Variants in UCHL3 observed in about 807,000 individuals in gnomAD.
The protein encoded by UCHL3 is ubiquitin carboxyl-terminal hydrolase isozyme L3.
In UCHL3, 22 loss-of-function variants were observed where a neutral mutation model predicts 35.8. That is an observed-to-expected ratio of 0.61 (90% CI 0.44 to 0.88). The LOEUF is 0.88. Among genes scored for constraint, UCHL3 ranks in the 40% least tolerant of loss-of-function variants. The pLI is 0.00. For missense variants in UCHL3, 229 were observed against 276.9 expected, an observed-to-expected ratio of 0.83 and a Z score of 1.23; for synonymous variants, 90 against 92.8, an observed-to-expected ratio of 0.97 and a Z score of 0.17.
chr13:75,587,087 C>A (rs1416829070), intron 6 of UCHL3, among the ~76,000 whole-genome samples: 1 of 143,902 alleles, frequency 6.9e-6, no homozygotes. Flanking sequence ...AAGGTAAAAG[C>A]AGAAGTCAAT....
At chr13:75,581,194 A>G (rs537665126) in intron 6 of UCHL3, among the ~76,000 whole-genome samples, 1 of 152,324 alleles carries the variant, frequency 6.6e-6, no homozygotes, top group African/African-American at 2.4e-5. Flanking sequence ...AAGAAATTAC[A>G]TGGTTATAAG....
intron 1 of UCHL3, 23 bp downstream of exon 1, chr13:75,549,885 C>T: frequency 6.2e-7 from 1 of 1,613,678 alleles, no homozygotes; most frequent in Non-Finnish European, 8.5e-7. Context: ...CGGGGCAGCC[C>T]TGGGCCGTGG....
At position 75,604,812 on chromosome 13, in the gene UCHL3, T is replaced by C. The variant is rs1213896846; in HGVS notation, c.594T>C (p.Asp198=). The C allele has an allele frequency of 6.3e-7, 1 of 1,599,712 alleles. No individual in the cohort carries two copies. The highest frequency in any genetic ancestry group is 1.3e-5 in the African/African-American group (1 of 74,212). ...CAATTAACCATGGTGAAACTAGTGATGAAACTTTATTAGAGGTAACAGTAA... is the reference window on the plus strand; with the variant it reads ...CAATTAACCATGGTGAAACTAGTGACGAAACTTTATTAGAGGTAACAGTAA... ...PFPINHGETS[D]ETLLEDAIEV... Residue 198 remains aspartate (D), a synonymous_variant, in exon 8 of 9, where the codon GAT becomes GAC. Transcript: ENST00000377595.
chr13:75,582,281 A>G (rs886643082), intron 6 of UCHL3, among the ~76,000 whole-genome samples: 14 of 152,212 alleles, frequency 9.2e-5, no homozygotes, highest in Non-Finnish European at 2.1e-4. Flanking sequence ...ATATCTTGGC[A>G]TTCTTCCTGA....
At chr13:75,589,318 G>T (rs948100425) in intron 6 of UCHL3, among the ~76,000 whole-genome samples, 6 of 151,872 alleles carry the variant, frequency 4.0e-5, no homozygotes, top group African/African-American at 1.5e-4. Context: ...AAAGCACCTG[G>T]CATAAAAAAA....
chr13:75,555,362 A>G (rs150888552), intron 2 of UCHL3, among the ~76,000 whole-genome samples: 13 of 152,256 alleles, frequency 8.5e-5, no homozygotes, highest in Non-Finnish European at 1.6e-4. Context: ...TTATGTGTAT[A>G]CTTGTTTATC....
chr13:75,588,393 CT>C (rs2032386443), intron 6 of UCHL3, among the ~76,000 whole-genome samples: 1 of 152,058 alleles, frequency 6.6e-6, no homozygotes, highest in South Asian at 2.1e-4. Context: ...TCTTCTTCCC[CT>C]ATTCTTTCCT....
intron 6 of UCHL3, among the ~76,000 whole-genome samples, chr13:75,592,468 G>GTATATATGTATAT (rs1201744829): frequency 2.6e-4 from 6 of 23,314 alleles, no homozygotes; most frequent in Admixed American, 4.8e-4. Flanking sequence ...ATATATATAT[G>GTATATATGTATAT]AAGGAAAAAA....
chr13:75,589,833 T>C, intron 6 of UCHL3: 1 of 906,972 alleles, frequency 1.1e-6, no homozygotes, highest in East Asian at 6.3e-5. Context: ...TTATTAAAAA[T>C]AGTAGACCAT....
chr13:75,594,952 T>C lies in UCHL3; in HGVS notation c.512T>C (p.Ile171Thr). The change falls in exon 7 of 9, where the codon ATT becomes ACT. Residue 171 changes from isoleucine (I) to threonine (T), a missense_variant. By Grantham distance (89) the Ile-to-Thr change is moderately conservative (BLOSUM62 -1). Transcript: ENST00000377595. ...GATGAGAAAGTAGATCTTCATTTTATTGCATTAGTTCATGTAGATGGGCAT... is the reference window on the plus strand; with the variant it reads ...GATGAGAAAGTAGATCTTCATTTTACTGCATTAGTTCATGTAGATGGGCAT... ...SIDEKVDLHFIALVHVDGHLY... is the reference protein window; with the variant it reads ...SIDEKVDLHFTALVHVDGHLY... 1 of 1,608,814 alleles carries C rather than the reference T, an allele frequency of 6.2e-7. No homozygotes were observed. The highest frequency in any genetic ancestry group is 2.2e-5 in the East Asian group (1 of 44,664).
chr13:75,551,211 G>A (rs2138441785), intron 2 of UCHL3, among the ~76,000 whole-genome samples: 1 of 152,150 alleles, frequency 6.6e-6, no homozygotes, highest in African/African-American at 2.4e-5. Flanking sequence ...TGAGGTGGGC[G>A]GATCACCTGA....
intron 6 of UCHL3, among the ~76,000 whole-genome samples, chr13:75,582,675 CAA>C (rs1375438126): frequency 2.6e-5 from 4 of 152,132 alleles, no homozygotes; most frequent in Non-Finnish European, 5.9e-5. Flanking sequence ...GTATGGAAGA[CAA>C]TGTGAAAAAT....
At chr13:75,576,294 A>G (rs753805839) in intron 6 of UCHL3, among the ~76,000 whole-genome samples, 55 of 152,004 alleles carry the variant, frequency 3.6e-4, no homozygotes, top group Non-Finnish European at 7.5e-4. Context: ...TAGTGGCGCA[A>G]TCTCTGCTCA....
intron 7 of UCHL3, among the ~76,000 whole-genome samples, chr13:75,595,791 T>C (rs886508103): frequency 2.0e-5 from 3 of 151,516 alleles, no homozygotes; most frequent in Non-Finnish European, 4.4e-5. Flanking sequence ...CCTGTACTTT[T>C]TTTTTTTTTA....
chr13:75,570,010 C>T (rs2031802102), intron 6 of UCHL3, among the ~76,000 whole-genome samples: 2 of 152,084 alleles, frequency 1.3e-5, no homozygotes, highest in African/African-American at 2.4e-5. Context: ...CTTCTCTTGC[C>T]TCTTTTTTCA....
At chr13:75,559,949 T>G (rs1377855405) in intron 2 of UCHL3, among the ~76,000 whole-genome samples, 1 of 152,236 alleles carries the variant, frequency 6.6e-6, no homozygotes, top group Non-Finnish European at 1.5e-5. Context: ...TCTGACATTT[T>G]ATTTTCCTGT....
intron 7 of UCHL3, among the ~76,000 whole-genome samples, chr13:75,596,152 G>C (rs2032640931): frequency 6.6e-6 from 1 of 152,170 alleles, no homozygotes; most frequent in Non-Finnish European, 1.5e-5. Flanking sequence ...GGTGGATTTT[G>C]TGTTTGGAAT....
At chr13:75,561,551 T>C (rs2031495140) in intron 3 of UCHL3, among the ~76,000 whole-genome samples, 1 of 151,734 alleles carries the variant, frequency 6.6e-6, no homozygotes, top group African/African-American at 2.4e-5. Flanking sequence ...AATATATATA[T>C]ATATAAGGAA....
intron 3 of UCHL3, among the ~76,000 whole-genome samples, chr13:75,566,380 A>G (rs566981794): frequency 1.3e-5 from 2 of 152,334 alleles, no homozygotes; most frequent in African/African-American, 4.8e-5. Context: ...CTACAAAGGA[A>G]ATTGCTTATT....
Sources: gnomAD v4.1 joint callset for allele counts (sites outside exome capture counted in the v4.1 genomes callset) on GRCh38, gnomAD v4.1.1 for gene constraint, MANE v1.5 for transcripts, NCBI Gene and HGNC (gene_info 2026-07-23, HGNC 2026-07-21) for gene names.